Variants in CDH13 observed in about 807,000 individuals in gnomAD.
CDH13 encodes cadherin 13.
A neutral mutation model predicts 63.8 loss-of-function variants in CDH13; 24 were observed. That is an observed-to-expected ratio of 0.38 (90% CI 0.27 to 0.53). The LOEUF (loss-of-function observed/expected upper bound fraction) is 0.53, where lower values mean the gene tolerates loss of function less well. CDH13 is among the 20% of genes least tolerant of loss of function. CDH13 has a pLI of 0.85. For missense variants in CDH13, 1,049 were observed against 903.1 expected, an observed-to-expected ratio of 1.16 and a Z score of -2.07; for synonymous variants, 503 against 355.3, an observed-to-expected ratio of 1.42 and a Z score of -4.67.
At chr16:83,535,721 T>G (rs1365756799) in intron 7 of CDH13, among the ~76,000 whole-genome samples, 1 of 152,088 alleles carries the variant, frequency 6.6e-6, no homozygotes, top group African/African-American at 2.4e-5. Context: ...TTCATTTTTT[T>G]TGGAGTGTCA....
At chr16:83,195,649 A>G (rs2151760284) in intron 4 of CDH13, among the ~76,000 whole-genome samples, 1 of 152,270 alleles carries the variant, frequency 6.6e-6, no homozygotes, top group African/African-American at 2.4e-5. Context: ...CCCTCCTCCA[A>G]CATTGGGGAT....
chr16:83,210,657 C>T (rs1481989841), intron 4 of CDH13, among the ~76,000 whole-genome samples: 1 of 151,872 alleles, frequency 6.6e-6, no homozygotes, highest in African/African-American at 2.4e-5. Flanking sequence ...GGGAGGAGGA[C>T]AATGACTTGC....
intron 2 of CDH13, among the ~76,000 whole-genome samples, chr16:82,934,999 G>C (rs921269525): frequency 1.3e-5 from 2 of 152,114 alleles, no homozygotes; most frequent in African/African-American, 4.8e-5. Flanking sequence ...CCACATTTTT[G>C]GGTATCCTTA....
intron 1 of CDH13, among the ~76,000 whole-genome samples, chr16:82,743,620 C>G (rs1173707663): frequency 6.6e-6 from 1 of 152,204 alleles, no homozygotes; most frequent in Admixed American, 6.5e-5. Context: ...ATAGACATAC[C>G]TTTCATGTAC....
At chr16:83,277,505 T>C (rs2089029724) in intron 5 of CDH13, among the ~76,000 whole-genome samples, 1 of 152,188 alleles carries the variant, frequency 6.6e-6, no homozygotes, top group Admixed American at 6.5e-5. Flanking sequence ...TCTTAAAGTG[T>C]GATCAGTGAG....
chr16:83,513,112 C>G (rs1172082385), intron 7 of CDH13, among the ~76,000 whole-genome samples: 1 of 151,944 alleles, frequency 6.6e-6, no homozygotes, highest in African/African-American at 2.4e-5. Context: ...CAAGAATTGT[C>G]TTCGAGCCTA....
chr16:83,486,675 C>G lies in CDH13; in HGVS notation c.960+20C>G, dbSNP rs1567705795. ...CGAGAGGTGAGCTGAAAAGAATACA[C>G]TTTCTTTTTCACGAGAATAGAATGT... On this transcript the variant is annotated intron_variant, in intron 7 of 13. Transcript: ENST00000567109. The G allele has an allele frequency of 4.4e-6, 7 of 1,606,350 alleles. No homozygotes were observed. The highest frequency in any genetic ancestry group is 2.7e-5 in the African/African-American group (2 of 74,786).
At chr16:83,234,988 G>A (rs1451858743) in intron 5 of CDH13, among the ~76,000 whole-genome samples, 3 of 152,192 alleles carry the variant, frequency 2.0e-5, no homozygotes, top group Admixed American at 2.0e-4. Context: ...CTTGAGGCCA[G>A]GAGTTCAATA....
intron 1 of CDH13, chr16:82,824,633 G>T (rs866359540): frequency 3.9e-5 from 6 of 152,286 alleles, no homozygotes; most frequent in Middle Eastern, 3.4e-3. Context: ...AGGCGAACAT[G>T]TTAAATGACA....
At chr16:83,546,444 A>G (rs1331841239) in intron 7 of CDH13, among the ~76,000 whole-genome samples, 2 of 147,160 alleles carry the variant, frequency 1.4e-5, no homozygotes, top group Non-Finnish European at 3.0e-5. Flanking sequence ...TTTTTTTTTT[A>G]ATCAAAGAAG....
chr16:83,167,499 C>CAAAAAAAAAAAAAAAAAA (rs11430454), intron 4 of CDH13, among the ~76,000 whole-genome samples: 1 of 99,552 alleles, frequency 1.0e-5, no homozygotes, highest in Admixed American at 1.2e-4. Context: ...GACCCTTTCC[C>CAAAAAAAAAAAAAAAAAA]AAAAAAAAAA....
At chr16:83,661,186 G>T (rs529212830) in intron 8 of CDH13, among the ~76,000 whole-genome samples, 2 of 152,078 alleles carry the variant, frequency 1.3e-5, no homozygotes, top group Non-Finnish European at 2.9e-5. Context: ...TAGGACTCCT[G>T]TACCATCTCA....
chr16:83,052,798 A>G (rs1314129600), intron 3 of CDH13, among the ~76,000 whole-genome samples: 4 of 148,004 alleles, frequency 2.7e-5, no homozygotes, highest in Non-Finnish European at 4.4e-5. Context: ...AAAAAAAAAA[A>G]AAAAAAGAAA....
intron 4 of CDH13, among the ~76,000 whole-genome samples, chr16:83,175,486 C>T (rs566609101): frequency 1.2e-4 from 18 of 152,000 alleles, no homozygotes; most frequent in Non-Finnish European, 2.5e-4. Context: ...AAGATCAGAG[C>T]ATCCAGGAGA....
intron 1 of CDH13, among the ~76,000 whole-genome samples, chr16:82,791,163 G>A: frequency 6.6e-6 from 1 of 151,638 alleles, no homozygotes; most frequent in African/African-American, 2.4e-5. Flanking sequence ...CATGAACCCG[G>A]GAGGCGGAGC....
intron 1 of CDH13, among the ~76,000 whole-genome samples, chr16:82,663,562 C>T (rs1912231396): frequency 6.6e-6 from 1 of 152,206 alleles, no homozygotes; most frequent in Admixed American, 6.5e-5. Flanking sequence ...AGCCAGATCC[C>T]ATTTGTCCTG....
chr16:83,456,624 G>A (rs888825576), intron 6 of CDH13, among the ~76,000 whole-genome samples: 2 of 152,158 alleles, frequency 1.3e-5, no homozygotes, highest in African/African-American at 4.8e-5. Flanking sequence ...GAAGTCCGGG[G>A]CAGGCTATGT....
At chr16:83,418,733 T>G (rs977776980) in intron 6 of CDH13, among the ~76,000 whole-genome samples, 1 of 152,138 alleles carries the variant, frequency 6.6e-6, no homozygotes, top group Non-Finnish European at 1.5e-5. Context: ...TGATGAGTGC[T>G]AGGACATTGT....
intron 2 of CDH13, among the ~76,000 whole-genome samples, chr16:82,993,624 CAT>C: frequency 6.6e-6 from 1 of 152,212 alleles, no homozygotes; most frequent in Admixed American, 6.5e-5. Context: ...GCATTAAAGA[CAT>C]GTTATATCAG....
Sources: allele counts gnomAD v4.1 joint callset (sites outside exome capture counted in the v4.1 genomes callset), GRCh38; gene constraint gnomAD v4.1.1; transcripts MANE v1.5; gene names NCBI Gene and HGNC (gene_info 2026-07-23, HGNC 2026-07-21).